The following ICAM1 variants were observed in gnomAD, a reference collection of about 807,000 sequenced individuals.
The protein encoded by ICAM1 is ICAM-1.
Under a neutral mutation model 42.3 loss-of-function variants are expected in ICAM1, and 28 were observed. That is an observed-to-expected ratio of 0.66 (90% CI 0.49 to 0.91). The LOEUF is 0.91. ICAM1 is among the 40% of genes least tolerant of loss of function. ICAM1 has a pLI of 0.00. For missense variants in ICAM1, 637 were observed against 688.6 expected, an observed-to-expected ratio of 0.93 and a Z score of 0.84; for synonymous variants, 304 against 305.9, an observed-to-expected ratio of 0.99 and a Z score of 0.07.
intron 3 of ICAM1, 58 bp downstream of exon 3, chr19:10,283,844 T>A (rs1366342922): frequency 4.0e-6 from 6 of 1,505,580 alleles, no homozygotes; most frequent in Middle Eastern, 1.8e-4. Flanking sequence ...TGCAATGCGG[T>A]GCCTGTGGCC....
At position 10,274,919 on chromosome 19, in the gene ICAM1, C is replaced by A. The variant is rs372704720; in HGVS notation, c.222C>A (p.Asn74Lys). The change falls in exon 2 of 7, where the codon AAC becomes AAA. Residue 74 changes from asparagine (N) to lysine (K), a missense_variant. Transcript: ENST00000264832. ...LPKKELLLPGNNRKVYELSNV... is the reference protein window; with the variant it reads ...LPKKELLLPGKNRKVYELSNV... ...AAAAGGAGTTGCTCCTGCCTGGGAA[C>A]AACCGGAAGGTGTATGAACTGAGCA... 1.2e-6 allele frequency: 2 copies of A among 1,614,228 alleles called. No homozygotes were observed. The highest frequency in any genetic ancestry group is 1.7e-5 in the Admixed American group (1 of 60,016).
chr19:10,281,098 C>G lies in ICAM1; in HGVS notation c.332-2383C>G, dbSNP rs191749612. On this transcript the variant is annotated intron_variant, in intron 2 of 6. Transcript: ENST00000264832. ...CCGTGTTAGCCAGGATGGTCTTGAT[C>G]TCCTGACCTCGTGATCCGCCCGCCT... 3.2e-4 allele frequency among the ~76,000 whole-genome samples: 49 copies of G among 151,880 alleles called. No individual in the cohort carries two copies. The East Asian group carries it at 9.1e-3, about 28-fold the overall frequency.
At chr19:10,283,809 G>C in intron 3 of ICAM1, 23 bp downstream of exon 3, 1 of 1,571,600 alleles carries the variant, frequency 6.4e-7, no homozygotes, top group Non-Finnish European at 8.6e-7. Context: ...GAAGCCAGCA[G>C]GGAGAAGGTG....
chr19:10,275,066 C>G (rs779493732), intron 2 of ICAM1, 38 bp downstream of exon 2: 3 of 1,602,284 alleles, frequency 1.9e-6, no homozygotes, highest in Admixed American at 1.7e-5. Flanking sequence ...CTAGGCAGAC[C>G]CGGTGGGAGA....
Position 10,274,753 on chromosome 19 carries a change from C to T in ICAM1, c.68-12C>T, listed in dbSNP as rs200481313. On this transcript the variant is annotated splice_polypyrimidine_tract_variant and intron_variant, in intron 1 of 6. Transcript: ENST00000264832. Reference sequence around the variant, plus strand: ...TTGTAATGCCTGTCGCCTCTTCCCTCGTTTCTTCTAGGACCTGGCAATGCC... The same window carrying T: ...TTGTAATGCCTGTCGCCTCTTCCCTTGTTTCTTCTAGGACCTGGCAATGCC... 36 of 1,608,510 alleles carry T rather than the reference C, an allele frequency of 2.2e-5. No individual in the cohort carries two copies. Among genetic ancestry groups the T allele is most frequent in the Middle Eastern group, 1.7e-4 (1 of 6,042 alleles).
chr19:10,279,537 G>A (rs1034666766), intron 2 of ICAM1, among the ~76,000 whole-genome samples: 1 of 151,944 alleles, frequency 6.6e-6, no homozygotes, highest in Non-Finnish European at 1.5e-5. Flanking sequence ...CTGGAGTGCA[G>A]TGGTGCCATC....
intron 2 of ICAM1, among the ~76,000 whole-genome samples, chr19:10,280,247 G>T (rs2040046506): frequency 6.6e-6 from 1 of 152,214 alleles, no homozygotes; most frequent in East Asian, 1.9e-4. Flanking sequence ...TGAGGTTTGA[G>T]GGTACCTCAA....
At chr19:10,276,975 CAAAAA>C (rs536596915) in intron 2 of ICAM1, among the ~76,000 whole-genome samples, 1 of 79,340 alleles carries the variant, frequency 1.3e-5, no homozygotes, top group African/African-American at 5.5e-5. Flanking sequence ...AACTCCATCT[CAAAAA>C]AAAAAAAAAA....
At chr19:10,271,787 G>A (rs2039983101) in intron 1 of ICAM1, among the ~76,000 whole-genome samples, 1 of 151,464 alleles carries the variant, frequency 6.6e-6, no homozygotes, top group African/African-American at 2.4e-5. Context: ...TGCCCCTGGG[G>A]AAGTCCAGGG....
At chr19:10,282,699 T>G (rs2040070444) in intron 2 of ICAM1, among the ~76,000 whole-genome samples, 1 of 145,550 alleles carries the variant, frequency 6.9e-6, no homozygotes, top group Admixed American at 7.2e-5. Context: ...GGTTTTTTTT[T>G]TTGTTTTGTT....
chr19:10,282,054 G>A (rs1051287012), intron 2 of ICAM1, among the ~76,000 whole-genome samples: 1 of 147,034 alleles, frequency 6.8e-6, no homozygotes, highest in African/African-American at 2.5e-5. Flanking sequence ...TTTGTTATTA[G>A]ACTCTGTCAT....
chr19:10,283,177 T>A (rs771312794), intron 2 of ICAM1: 1 of 277,954 alleles, frequency 3.6e-6, no homozygotes. Context: ...GTTTGCCCAG[T>A]CTAGTGCACT....
intron 2 of ICAM1, among the ~76,000 whole-genome samples, chr19:10,276,483 T>G (rs1368534285): frequency 1.4e-5 from 2 of 141,900 alleles, no homozygotes; most frequent in African/African-American, 5.4e-5. Context: ...AGGCAGAGCT[T>G]GCAGTGAGCC....
Position 10,284,023 on chromosome 19 carries a change from C to T in ICAM1, c.638-10C>T, listed in dbSNP as rs768056558. The T allele has an allele frequency of 1.9e-6, 3 of 1,608,428 alleles. No individual in the cohort carries two copies. Among genetic ancestry groups the T allele is most frequent in the African/African-American group, 2.7e-5 (2 of 74,750 alleles). On this transcript the variant is annotated splice_polypyrimidine_tract_variant and intron_variant, in intron 3 of 6. Transcript: ENST00000264832. The surrounding 1 kb of genome is among the most constrained non-coding windows in gnomAD (Gnocchi z 5.4). The stretch of plus-strand genomic sequence containing the variant: ...ATCCCTGTCTGCTCACACCTTTCTT[C>T]TCTCCCTAGTCCTGCCAGCGACTCC...
At chr19:10,281,120 G>T (rs553535829) in intron 2 of ICAM1, among the ~76,000 whole-genome samples, 15 of 151,692 alleles carry the variant, frequency 9.9e-5, no homozygotes, top group Non-Finnish European at 1.5e-5. Flanking sequence ...TGATCCGCCC[G>T]CCTTGGCCTC....
chr19:10,273,345 AC>A (rs2039994976), intron 1 of ICAM1, among the ~76,000 whole-genome samples: 1 of 151,504 alleles, frequency 6.6e-6, no homozygotes. Flanking sequence ...GTACAAAATT[AC>A]CCGGGCGTGG....
At chr19:10,272,272 G>A (rs752492617) in intron 1 of ICAM1, among the ~76,000 whole-genome samples, 1 of 152,132 alleles carries the variant, frequency 6.6e-6, no homozygotes, top group East Asian at 1.9e-4. Context: ...GAGACATAGC[G>A]AGATTCTGTC....
At chr19:10,281,710 C>CG (rs1390715309) in intron 2 of ICAM1, among the ~76,000 whole-genome samples, 1 of 148,066 alleles carries the variant, frequency 6.8e-6, no homozygotes, top group African/African-American at 2.5e-5. Flanking sequence ...AGGACCCCCC[C>CG]GGTCCTGATG....
chr19:10,272,022 A>G (rs2145486856), intron 1 of ICAM1, among the ~76,000 whole-genome samples: 1 of 152,278 alleles, frequency 6.6e-6, no homozygotes, highest in South Asian at 2.1e-4. Flanking sequence ...ACGGTAGTTC[A>G]TGCCAGTAAT....
Sources: gnomAD v4.1 joint callset for allele counts (sites outside exome capture counted in the v4.1 genomes callset) on GRCh38, gnomAD v4.1.1 for gene constraint, Gnocchi (gnomAD v3.1) non-coding constraint, MANE v1.5 for transcripts, NCBI Gene and HGNC (gene_info 2026-07-23, HGNC 2026-07-21) for gene names.